CMTM8: variants seen among roughly 807,000 people sequenced by gnomAD.
CMTM8 encodes CKLF like MARVEL transmembrane domain containing 8.
In CMTM8, 12 loss-of-function variants were observed where a neutral mutation model predicts 18.6. That is an observed-to-expected ratio of 0.65 (90% CI 0.41 to 1.05). The LOEUF is 1.05. Among genes scored for constraint, CMTM8 ranks in the 50% least tolerant of loss-of-function variants. CMTM8 has a pLI of 0.00. For missense variants in CMTM8, 217 were observed against 227.2 expected (o/e 0.95, Z 0.29); for synonymous variants, 87 against 90.6 (o/e 0.96, Z 0.23).
chr3:32,311,595 C>T (rs1189063538), intron 1 of CMTM8, among the ~76,000 whole-genome samples: 2 of 152,212 alleles, frequency 1.3e-5, no homozygotes, highest in Non-Finnish European at 2.9e-5. Flanking sequence ...GATTCTTAAT[C>T]CCATGTGCAA....
Position 32,303,239 on chromosome 3 carries a change from A to G in CMTM8, c.148-54134A>G, listed in dbSNP as rs555046499. Among the ~76,000 whole-genome samples, 62 of 152,322 alleles carry G rather than the reference A, an allele frequency of 4.1e-4. 1 individual carries two copies. Among genetic ancestry groups the G allele is most frequent in the Non-Finnish European group, 6.6e-4 (45 of 68,032 alleles). ...AGGCCTTTCCTGGCAAGATTTCTCA[A>G]CATTCTCTTGAGAGCAGTTGTGTTA... On this transcript the variant is annotated intron_variant, in intron 1 of 3. Coordinates refer to ENST00000307526, the MANE Select transcript of CMTM8 (RefSeq NM_178868.5).
chr3:32,239,681 A>G (rs1701920082), intron 1 of CMTM8, among the ~76,000 whole-genome samples: 1 of 152,158 alleles, frequency 6.6e-6, no homozygotes, highest in African/African-American at 2.4e-5. Flanking sequence ...GGCTCAGAAC[A>G]TTCCTGGGAA....
At chr3:32,258,223 T>G (rs1028066863) in intron 1 of CMTM8, among the ~76,000 whole-genome samples, 1 of 152,188 alleles carries the variant, frequency 6.6e-6, no homozygotes, top group Non-Finnish European at 1.5e-5. Context: ...CCCTTGCTTA[T>G]CATAGTTTGT....
intron 1 of CMTM8, among the ~76,000 whole-genome samples, chr3:32,269,757 A>C (rs1228457524): frequency 6.6e-6 from 1 of 152,176 alleles, no homozygotes; most frequent in African/African-American, 2.4e-5. Flanking sequence ...GTAAAATATC[A>C]TACAGTACTA....
At chr3:32,274,574 C>T (rs1163382336) in intron 1 of CMTM8, among the ~76,000 whole-genome samples, 1 of 152,176 alleles carries the variant, frequency 6.6e-6, no homozygotes, top group Non-Finnish European at 1.5e-5. Context: ...GCAGACATCA[C>T]ACTCCTAAAT....
chr3:32,273,790 A>C (rs767087565), intron 1 of CMTM8, among the ~76,000 whole-genome samples: 1 of 152,156 alleles, frequency 6.6e-6, no homozygotes, highest in Non-Finnish European at 1.5e-5. Flanking sequence ...CTCTTTGAAT[A>C]GTCTAAAAAT....
chr3:32,362,507 C>G (rs1445157059), intron 2 of CMTM8, among the ~76,000 whole-genome samples: 1 of 152,120 alleles, frequency 6.6e-6, no homozygotes, highest in African/African-American at 2.4e-5. Flanking sequence ...TGCTTGAGAG[C>G]CAGGAATGGG....
intron 1 of CMTM8, among the ~76,000 whole-genome samples, chr3:32,304,737 G>T (rs1043463170): frequency 7.9e-5 from 12 of 152,226 alleles, no homozygotes; most frequent in Non-Finnish European, 1.5e-4. Context: ...TTACATGTTG[G>T]TTTTTCATGT....
At chr3:32,295,452 TC>T (rs1199587215) in intron 1 of CMTM8, among the ~76,000 whole-genome samples, 1 of 26,150 alleles carries the variant, frequency 3.8e-5, no homozygotes, top group Non-Finnish European at 6.7e-5. Flanking sequence ...CGAGACTCCA[TC>T]TCAAAAAAAA....
intron 1 of CMTM8, among the ~76,000 whole-genome samples, chr3:32,295,762 C>T (rs952060555): frequency 6.6e-6 from 1 of 152,084 alleles, no homozygotes; most frequent in African/African-American, 2.4e-5. Context: ...TCATGGCCTC[C>T]GGGCTATGGT....
chr3:32,365,699 G>T (rs1010688531), intron 2 of CMTM8, among the ~76,000 whole-genome samples: 2 of 152,070 alleles, frequency 1.3e-5, no homozygotes, highest in African/African-American at 4.8e-5. Flanking sequence ...TACTCGCCTC[G>T]GCCTCCCAGA....
intron 1 of CMTM8, among the ~76,000 whole-genome samples, chr3:32,348,992 G>C (rs1170019275): frequency 6.6e-6 from 1 of 150,698 alleles, no homozygotes; most frequent in East Asian, 2.0e-4. Context: ...TTGTTTTGAA[G>C]GACTATTTTT....
intron 1 of CMTM8, among the ~76,000 whole-genome samples, chr3:32,301,884 T>C (rs1292926327): frequency 6.6e-6 from 1 of 152,224 alleles, no homozygotes; most frequent in Non-Finnish European, 1.5e-5. Context: ...CACAGTACTT[T>C]TGTTTTTGCA....
Position 32,345,406 on chromosome 3 carries a change from C to T in CMTM8, c.148-11967C>T, listed in dbSNP as rs1479641170. Among the ~76,000 whole-genome samples, 5 of 152,148 alleles carry T rather than the reference C, an allele frequency of 3.3e-5. No homozygotes were observed. In the East Asian group the frequency reaches 9.7e-4, roughly 29 times the overall value. On this transcript the variant is annotated intron_variant, in intron 1 of 3. Coordinates refer to ENST00000307526, the MANE Select transcript of CMTM8 (RefSeq NM_178868.5). ...ATAGAAAAACACACATAATCTGGTA[C>T]CATTCCAAATAGAAGCAAGCACTTT...
intron 2 of CMTM8, among the ~76,000 whole-genome samples, chr3:32,362,734 C>T (rs1365610374): frequency 6.6e-6 from 1 of 152,152 alleles, no homozygotes; most frequent in Non-Finnish European, 1.5e-5. Context: ...TCCAAAAGAC[C>T]CTTCTTCTAA....
chr3:32,335,794 A>G (rs989158509), intron 1 of CMTM8, among the ~76,000 whole-genome samples: 4 of 152,218 alleles, frequency 2.6e-5, no homozygotes, highest in Non-Finnish European at 4.4e-5. Flanking sequence ...ATAGATTCCT[A>G]AAGGGCATGT....
intron 2 of CMTM8, among the ~76,000 whole-genome samples, chr3:32,366,815 G>A (rs564097711): frequency 6.6e-6 from 1 of 152,036 alleles, no homozygotes; most frequent in Non-Finnish European, 1.5e-5. Flanking sequence ...CATTTAGTGA[G>A]ACCAGGGCTT....
intron 1 of CMTM8, among the ~76,000 whole-genome samples, chr3:32,250,469 T>A (rs1200425642): frequency 1.3e-5 from 2 of 152,192 alleles, no homozygotes; most frequent in Non-Finnish European, 2.9e-5. Context: ...ATAGATCAAT[T>A]TGGTGAGTAC....
At chr3:32,356,231 C>T (rs999216999) in intron 1 of CMTM8, among the ~76,000 whole-genome samples, 1 of 152,170 alleles carries the variant, frequency 6.6e-6, no homozygotes, top group Non-Finnish European at 1.5e-5. Context: ...GAAAGCTAAA[C>T]CAGAAATGAA....
Sources: allele counts gnomAD v4.1 joint callset (sites outside exome capture counted in the v4.1 genomes callset), GRCh38; gene constraint gnomAD v4.1.1; transcripts MANE v1.5; gene names NCBI Gene and HGNC (gene_info 2026-07-23, HGNC 2026-07-21).